Variants in DTX4 observed in about 807,000 individuals in gnomAD.
DTX4 encodes E3 ubiquitin-protein ligase DTX4.
Under a neutral mutation model 57.6 loss-of-function variants are expected in DTX4, and 28 were observed. The ratio of observed to expected loss-of-function variants is 0.49; its 90% CI spans 0.36 to 0.67. The LOEUF (loss-of-function observed/expected upper bound fraction) is 0.67. DTX4 is among the 30% of genes least tolerant of loss of function. The probability of loss-of-function intolerance (pLI) is 0.00; values close to 1 mark genes in which losing one functional copy is unlikely to be tolerated. For missense variants in DTX4, 715 were observed against 836.8 expected, an observed-to-expected ratio of 0.85 and a Z score of 1.80; for synonymous variants, 316 against 331.0, an observed-to-expected ratio of 0.95 and a Z score of 0.49.
chr11:59,174,458 A>AGG (rs1412039487), intron 1 of DTX4, among the ~76,000 whole-genome samples: 1 of 143,184 alleles, frequency 7.0e-6, no homozygotes, highest in Non-Finnish European at 1.5e-5. Context: ...AGAGAGAGAG[A>AGG]GAGACCAGCA....
At chr11:59,180,282 C>G (rs925902899) in intron 1 of DTX4, among the ~76,000 whole-genome samples, 1 of 152,120 alleles carries the variant, frequency 6.6e-6, no homozygotes, top group Non-Finnish European at 1.5e-5. Context: ...TTGTCTCCCC[C>G]TCCCCTGCCC....
intron 2 of DTX4, among the ~76,000 whole-genome samples, chr11:59,188,278 C>T (rs2135518950): frequency 6.6e-6 from 1 of 152,236 alleles, no homozygotes; most frequent in African/African-American, 2.4e-5. Flanking sequence ...TAGCAATATT[C>T]AATACTATGG....
At position 59,192,971 on chromosome 11, in the gene DTX4, T is replaced by C. The variant is rs919784299; in HGVS notation, c.1374+721T>C. Among the ~76,000 whole-genome samples the C allele has an allele frequency of 3.3e-5, 5 of 152,226 alleles. No homozygotes were observed. In the South Asian group the frequency reaches 1.0e-3, roughly 32 times the overall value. ...TTTCCTAAGTCATTGACTCATGTTC[T>C]TTCGTGTACCTGAGATAACTTTTAC... is the stretch of plus-strand genomic sequence containing the variant. On this transcript the variant is annotated intron_variant, in intron 6 of 8. Transcript: ENST00000227451.
In DTX4 at chr11:59,208,292, T is replaced by C. The variant is rs1862841866; in HGVS notation, c.*3383T>C. On this transcript the variant is annotated 3_prime_UTR_variant, in exon 9 of 9. Transcript: ENST00000227451. ...AAGCCCTGCCACTGGGTGGGGGAAGTCCCTCCCCAACCACTTAAAAACAAA... is the reference window on the plus strand; with the variant it reads ...AAGCCCTGCCACTGGGTGGGGGAAGCCCCTCCCCAACCACTTAAAAACAAA... 1 of 152,040 alleles carries C rather than the reference T, an allele frequency of 6.6e-6. No homozygotes were observed. The allele number at this position is 152,040 out of a possible 1,614,324, so 9.4% of individuals were successfully genotyped here. A position where few individuals can be genotyped will look rare whatever the true frequency, so the allele number is the denominator to read the frequency against.
intron 2 of DTX4, 148 bp downstream of exon 2, chr11:59,182,610 C>A: frequency 1.7e-6 from 2 of 1,151,034 alleles, no homozygotes; most frequent in Non-Finnish European, 2.4e-6. Context: ...GTGCACCTGG[C>A]TGCAGGTGTG....
chr11:59,177,915 C>T (rs928694788), intron 1 of DTX4, among the ~76,000 whole-genome samples: 3 of 152,166 alleles, frequency 2.0e-5, no homozygotes, highest in Middle Eastern at 3.2e-3. Context: ...GAGAATACAG[C>T]CATGAGCACA....
At chr11:59,195,397 C>G (rs372268502) in intron 7 of DTX4, 28 bp downstream of exon 7, 1 of 1,576,454 alleles carries the variant, frequency 6.3e-7, no homozygotes, top group Non-Finnish European at 8.6e-7. Flanking sequence ...GTGAGCCTTT[C>G]TGTCACCCCT....
chr11:59,193,979 C>T (rs1354789162), intron 6 of DTX4, among the ~76,000 whole-genome samples: 1 of 152,206 alleles, frequency 6.6e-6, no homozygotes, highest in Admixed American at 6.5e-5. Context: ...CCTTCCTTCT[C>T]TTTGCCCCTC....
chr11:59,175,400 C>A (rs1053374266), intron 1 of DTX4, among the ~76,000 whole-genome samples: 2 of 152,200 alleles, frequency 1.3e-5, no homozygotes, highest in Admixed American at 1.3e-4. Flanking sequence ...CTCCACTCGC[C>A]TGGGCTCCTG....
At chr11:59,201,597 G>C (rs1007558216) in intron 8 of DTX4, among the ~76,000 whole-genome samples, 18 of 152,228 alleles carry the variant, frequency 1.2e-4, no homozygotes, top group Non-Finnish European at 2.2e-4. Context: ...TCATGTCAAA[G>C]GGTATGGATA....
At chr11:59,191,375 T>C (rs12275799) in intron 5 of DTX4, among the ~76,000 whole-genome samples, 200 bp downstream of exon 5, 4,935 of 152,256 alleles carry the variant, frequency 0.032, 147 homozygotes, top group East Asian at 0.096. Flanking sequence ...CGCCTCCCCC[T>C]TCAGCATAGT....
intron 8 of DTX4, among the ~76,000 whole-genome samples, chr11:59,204,305 G>A (rs1590991843): frequency 6.6e-6 from 1 of 152,174 alleles, no homozygotes; most frequent in African/African-American, 2.4e-5. Context: ...AAATGCAGCC[G>A]TTATGTTGGC....
chr11:59,184,959 G>T (rs1363372544), intron 2 of DTX4, among the ~76,000 whole-genome samples: 1 of 152,132 alleles, frequency 6.6e-6, no homozygotes, highest in Non-Finnish European at 1.5e-5. Context: ...TCGACCTTCT[G>T]TCATTGCAGG....
chr11:59,173,955 G>A (rs1021651155), intron 1 of DTX4, among the ~76,000 whole-genome samples: 3 of 152,208 alleles, frequency 2.0e-5, no homozygotes, highest in African/African-American at 7.2e-5. Context: ...GGAGCCTGGA[G>A]AGGCCGGTGT....
chr11:59,180,620 G>C (rs925608242), intron 1 of DTX4, among the ~76,000 whole-genome samples: 1 of 152,110 alleles, frequency 6.6e-6, no homozygotes, highest in Non-Finnish European at 1.5e-5. Flanking sequence ...AGCATCCCAG[G>C]GGCCCTCCCC....
chr11:59,173,908 T>C (rs1862361575), intron 1 of DTX4, among the ~76,000 whole-genome samples: 1 of 152,078 alleles, frequency 6.6e-6, no homozygotes, highest in Non-Finnish European at 1.5e-5. Flanking sequence ...CCATTGTTTC[T>C]GGAATTCTGG....
intron 2 of DTX4, among the ~76,000 whole-genome samples, chr11:59,186,380 A>C (rs915982913): frequency 1.3e-5 from 2 of 152,176 alleles, no homozygotes; most frequent in African/African-American, 4.8e-5. Context: ...CCCAGATCAC[A>C]GCTACTTATC....
At chr11:59,179,998 T>C (rs1489561920) in intron 1 of DTX4, among the ~76,000 whole-genome samples, 1 of 152,200 alleles carries the variant, frequency 6.6e-6, no homozygotes, top group Non-Finnish European at 1.5e-5. Flanking sequence ...CTTAGACATA[T>C]AATAGAAAAT....
At chr11:59,175,522 C>G (rs1862385314) in intron 1 of DTX4, among the ~76,000 whole-genome samples, 1 of 152,112 alleles carries the variant, frequency 6.6e-6, no homozygotes, top group South Asian at 2.1e-4. Context: ...GAGGTCTGAT[C>G]TTATTTGCAT....
Sources: gnomAD v4.1 joint callset for allele counts (sites outside exome capture counted in the v4.1 genomes callset) on GRCh38, gnomAD v4.1.1 for gene constraint, MANE v1.5 for transcripts, NCBI Gene and HGNC (gene_info 2026-07-23, HGNC 2026-07-21) for gene names.